The following DNAAF5 variants were observed in gnomAD, a reference collection of about 807,000 sequenced individuals.
DNAAF5 encodes dynein axonemal assembly factor 5, also known as HEAT repeat containing 2.
A neutral mutation model predicts 75.8 loss-of-function variants in DNAAF5; 64 were observed. The ratio of observed to expected loss-of-function variants is 0.84; its 90% CI spans 0.69 to 1.04. DNAAF5 has a LOEUF of 1.04. DNAAF5 is among the 50% of genes least tolerant of loss of function. The pLI is 0.00. For synonymous variants in DNAAF5, 657 were observed against 557.2 expected, an observed-to-expected ratio of 1.18 and a Z score of -2.52; for missense variants, 1,269 against 1,178.5, an observed-to-expected ratio of 1.08 and a Z score of -1.12.
chr7:740,693 C>A (rs1781876840), intron 2 of DNAAF5, 126 bp from the exon 3 acceptor site: 2 of 1,369,034 alleles, frequency 1.5e-6, no homozygotes, highest in Non-Finnish European at 2.0e-6. Context: ...TGGTAGGTGG[C>A]CCAGGACCTG....
intron 4 of DNAAF5, among the ~76,000 whole-genome samples, chr7:748,811 T>C (rs946434906): frequency 1.3e-5 from 2 of 152,194 alleles, no homozygotes; most frequent in Admixed American, 1.3e-4. Flanking sequence ...TGTCCTGTCT[T>C]ACCAGCAAGA....
intron 9 of DNAAF5, chr7:770,848 C>G: frequency 2.1e-6 from 1 of 484,370 alleles, no homozygotes; most frequent in East Asian, 3.2e-5. Flanking sequence ...TCCCCACCTC[C>G]CTCCCCCACA....
At chr7:741,814 C>T (rs7793078) in intron 4 of DNAAF5, among the ~76,000 whole-genome samples, 6 of 152,196 alleles carry the variant, frequency 3.9e-5, no homozygotes, top group Non-Finnish European at 8.8e-5. Flanking sequence ...CTCTGGGTTC[C>T]TGGGCAGCTC....
At chr7:744,501 A>G (rs964087417) in intron 4 of DNAAF5, among the ~76,000 whole-genome samples, 2 of 152,220 alleles carry the variant, frequency 1.3e-5, no homozygotes, top group African/African-American at 4.8e-5. Flanking sequence ...AAGGACATGA[A>G]CAGACACTTC....
Position 763,833 on chromosome 7 carries a change from A to G in DNAAF5, c.1642A>G (p.Met548Val). 3.7e-6 allele frequency: 6 copies of G among 1,613,502 alleles called. No individual in the cohort carries two copies. Among genetic ancestry groups the G allele is most frequent in the Admixed American group, 1.7e-5 (1 of 60,030 alleles). ...KAQETMDSLA[M>V]VEGVSSCQDL... ...ACAGGAGACGATGGACTCACTGGCC[A>G]TGGTGGAGGGTGTCAGCAGCTGCCA... Residue 548 changes from methionine to valine, a missense_variant, in exon 8 of 13, where the codon ATG becomes GTG. By Grantham distance (21) the Met-to-Val change is conservative (BLOSUM62 1). Transcript: ENST00000297440.
rs1229185732 is a variant in DNAAF5, at chr7:786,011, G to C, written c.*358G>C. The C allele has an allele frequency of 5.1e-6, 1 of 194,376 alleles. No homozygotes were observed. The highest frequency in any genetic ancestry group is 1.0e-5 in the Non-Finnish European group (1 of 96,320). The allele number at this position is 194,376 out of a possible 1,614,324, so 12.0% of individuals were successfully genotyped here. A position where few individuals can be genotyped will look rare whatever the true frequency, so the allele number is the denominator to read the frequency against. ...TGCATCCTGCTTAGGTGCCCACCAAGAAGGTTTTTACCTACTTAACAAAAA... is the reference window on the plus strand; with the variant it reads ...TGCATCCTGCTTAGGTGCCCACCAACAAGGTTTTTACCTACTTAACAAAAA... On this transcript the variant is annotated 3_prime_UTR_variant, in exon 13 of 13. Transcript: ENST00000297440.
At chr7:769,292 A>C (rs951020115) in intron 8 of DNAAF5, 63 of 692,132 alleles carry the variant, frequency 9.1e-5, no homozygotes, top group Non-Finnish European at 1.1e-4. Flanking sequence ...GCCCCAACCC[A>C]GTCCCCACCC....
chr7:750,036 T>C (rs747539306), intron 4 of DNAAF5, among the ~76,000 whole-genome samples: 3 of 152,202 alleles, frequency 2.0e-5, no homozygotes, highest in Non-Finnish European at 4.4e-5. Flanking sequence ...AAAACAGGCT[T>C]CAGAACCATG....
intron 11 of DNAAF5, among the ~76,000 whole-genome samples, chr7:776,083 T>TA (rs1479818808): frequency 6.6e-6 from 1 of 152,146 alleles, no homozygotes; most frequent in African/African-American, 2.4e-5. Context: ...CTCACGCCTG[T>TA]AATCCCAGCA....
Position 774,185 on chromosome 7 carries a change from T to A in DNAAF5, c.2069T>A (p.Leu690Gln). 6.2e-7 allele frequency: 1 copy of A among 1,608,702 alleles called. No individual in the cohort carries two copies. Among genetic ancestry groups the A allele is most frequent in the Non-Finnish European group, 8.5e-7 (1 of 1,179,380 alleles). Reference sequence around the variant, plus strand: ...TGGGCGCTCACCAGCAGCGAGGTCCTGTCGGCAGAGCAGGTACGGGGCTCC... The same window carrying A: ...TGGGCGCTCACCAGCAGCGAGGTCCAGTCGGCAGAGCAGGTACGGGGCTCC... ...CLWALTSSEV[L>Q]SAEQIRDVQE... Residue 690 changes from leucine to glutamine, a missense_variant, in exon 10 of 13, where the codon CTG becomes CAG. Coordinates refer to ENST00000297440, the MANE Select transcript of DNAAF5 (RefSeq NM_017802.4).
chr7:733,880 A>G (rs1004391320), intron 2 of DNAAF5, among the ~76,000 whole-genome samples: 6 of 152,198 alleles, frequency 3.9e-5, no homozygotes, highest in South Asian at 4.2e-4. Context: ...TTGTAAATGG[A>G]ATTACTTTCT....
At chr7:758,653 C>T (rs1199693319) in intron 6 of DNAAF5, among the ~76,000 whole-genome samples, 1 of 152,206 alleles carries the variant, frequency 6.6e-6, no homozygotes, top group Non-Finnish European at 1.5e-5. Flanking sequence ...GTGTGCACCA[C>T]CACACCTGGG....
At position 785,647 on chromosome 7, in the gene DNAAF5, A is replaced by G. The variant is rs146751534; in HGVS notation, c.2562A>G (p.Thr854=). Reference sequence around the variant, plus strand: ...AGCATGTGCAGGCCGTGCCAGCCACACAGTGACCACGCTGGTTTCAGCCAC... The same window carrying G: ...AGCATGTGCAGGCCGTGCCAGCCACGCAGTGACCACGCTGGTTTCAGCCAC... ...LLQHVQAVPA[T]Q The change falls in exon 13 of 13, where the codon ACA becomes ACG. Residue 854 remains threonine (T), a synonymous_variant. Transcript: ENST00000297440. 1.9e-6 allele frequency: 3 copies of G among 1,612,730 alleles called. No homozygotes were observed. The highest frequency in any genetic ancestry group is 2.2e-5 in the South Asian group (2 of 91,076).
chr7:758,554 A>G (rs1782555250), intron 6 of DNAAF5, among the ~76,000 whole-genome samples: 1 of 152,228 alleles, frequency 6.6e-6, no homozygotes, highest in Non-Finnish European at 1.5e-5. Context: ...GTGAAAACCC[A>G]AGACGTACAT....
intron 12 of DNAAF5, among the ~76,000 whole-genome samples, chr7:781,960 T>G (rs1370769583): frequency 6.6e-6 from 1 of 152,274 alleles, no homozygotes; most frequent in East Asian, 1.9e-4. Context: ...GCGGCTGTAC[T>G]CTGCTCATTC....
chr7:769,345 G>C (rs1778474213), intron 8 of DNAAF5: 1 of 629,324 alleles, frequency 1.6e-6, no homozygotes. Flanking sequence ...CCTGGCAGGA[G>C]ACGCTGCAGG....
At chr7:732,466 A>G in intron 2 of DNAAF5, 1 of 449,770 alleles carries the variant, frequency 2.2e-6, no homozygotes. Context: ...GCTTTGCTGC[A>G]GTTTTCCTGC....
At chr7:766,874 T>C (rs1782836792) in intron 8 of DNAAF5, among the ~76,000 whole-genome samples, 1 of 152,086 alleles carries the variant, frequency 6.6e-6, no homozygotes, top group Non-Finnish European at 1.5e-5. Flanking sequence ...TAAAAAAGAA[T>C]TAATACAACT....
chr7:732,533 G>A lies in DNAAF5; in HGVS notation c.780+2686G>A, dbSNP rs141850771. On this transcript the variant is annotated intron_variant, in intron 2 of 12. Coordinates refer to ENST00000297440, the MANE Select transcript of DNAAF5 (RefSeq NM_017802.4). ...CTGTTCTTGTCAAGAGAGACCTTCC[G>A]GGAGCAACAGATGTTACAGGAGAGA... 1.6e-3 allele frequency: 744 copies of A among 456,076 alleles called. 4 individuals carry two copies. Among genetic ancestry groups the A allele is most frequent in the Admixed American group, 0.015 (654 of 42,580 alleles). 28.3% of individuals were successfully genotyped at this position (456,076 alleles called of 1,614,324 possible).
Sources: gnomAD v4.1 joint callset for allele counts (sites outside exome capture counted in the v4.1 genomes callset) on GRCh38, gnomAD v4.1.1 for gene constraint, MANE v1.5 for transcripts, NCBI Gene and HGNC (gene_info 2026-07-23, HGNC 2026-07-21) for gene names.